Variants in SFMBT2 observed in about 807,000 individuals in gnomAD.
SFMBT2 encodes Scm like with four mbt domains 2.
In SFMBT2, 38 loss-of-function variants were observed where a neutral mutation model predicts 110.1. The observed-to-expected ratio is 0.35, with a 90% CI of 0.27 to 0.45. The LOEUF (loss-of-function observed/expected upper bound fraction) is 0.45. SFMBT2 is among the 20% of genes least tolerant of loss of function. The pLI is 1.00. For missense variants in SFMBT2, 1,011 were observed against 1,094.9 expected (o/e 0.92, Z 1.08); for synonymous variants, 425 against 425.4 (o/e 1.00, Z 0.01).
At chr10:7,407,196 A>T (rs1846241482) in intron 1 of SFMBT2, among the ~76,000 whole-genome samples, 1 of 152,092 alleles carries the variant, frequency 6.6e-6, no homozygotes, top group African/African-American at 2.4e-5. Context: ...CCTGCTGAGC[A>T]ACAACGCCTC....
chr10:7,383,799 T>C (rs553669227), intron 1 of SFMBT2, among the ~76,000 whole-genome samples: 8 of 152,312 alleles, frequency 5.3e-5, no homozygotes, highest in Non-Finnish European at 8.8e-5. Context: ...GTTTGAGGCG[T>C]AGAAGTCAAC....
rs1002746344 is a variant in SFMBT2 at position 7,160,291 on chromosome 10, G to A, written c.*3479C>T. On this transcript the variant is annotated 3_prime_UTR_variant, in exon 21 of 21. Transcript: ENST00000397167. ...TGTTTTTCTAGGTTGTTAGGCTTAT[G>A]TCTTTGTGGACAGGATATTTTTTCA... The A allele has an allele frequency of 5.3e-5, 8 of 152,214 alleles. No homozygotes were observed. Among genetic ancestry groups the A allele is most frequent in the Admixed American group, 2.6e-4 (4 of 15,278 alleles). 9.4% of individuals were successfully genotyped at this position (152,214 alleles called of 1,614,324 possible).
At chr10:7,376,727 CAAAAAA>C (rs35816107) in intron 2 of SFMBT2, among the ~76,000 whole-genome samples, 3 of 44,736 alleles carry the variant, frequency 6.7e-5, no homozygotes, top group African/African-American at 1.0e-4. Flanking sequence ...GGCCCTCCCA[CAAAAAA>C]AAAAAAAAAA....
intron 4 of SFMBT2, among the ~76,000 whole-genome samples, chr10:7,348,626 C>G (rs114274199): frequency 1.1e-3 from 164 of 152,304 alleles, no homozygotes; most frequent in African/African-American, 3.7e-3. Flanking sequence ...TGCTGCATAA[C>G]CTAAGAACAT....
intron 3 of SFMBT2, among the ~76,000 whole-genome samples, chr10:7,369,916 G>A (rs564240484): frequency 6.6e-6 from 1 of 152,242 alleles, no homozygotes; most frequent in East Asian, 1.9e-4. Context: ...CTGGGGTGCA[G>A]TGGCGCAATC....
At chr10:7,358,618 GGCACGGCTCTAGAACATCA>G (rs1844604966) in intron 4 of SFMBT2, among the ~76,000 whole-genome samples, 1 of 151,414 alleles carries the variant, frequency 6.6e-6, no homozygotes, top group Non-Finnish European at 1.5e-5. Context: ...CTGGAATGGA[GGCACGGCTCTAGAACATCA>G]GCATGGCCCT....
At chr10:7,206,340 G>A in intron 11 of SFMBT2, 1 of 985,360 alleles carries the variant, frequency 1.0e-6, no homozygotes, top group Non-Finnish European at 1.2e-6. Flanking sequence ...GGGACCTCAG[G>A]GCCCACATCT....
intron 4 of SFMBT2, among the ~76,000 whole-genome samples, chr10:7,363,903 C>T (rs1338025753): frequency 2.0e-5 from 3 of 152,110 alleles, no homozygotes; most frequent in Non-Finnish European, 4.4e-5. Context: ...ACAGAAACAT[C>T]ATACACCCTG....
intron 4 of SFMBT2, among the ~76,000 whole-genome samples, chr10:7,309,361 A>G (rs115917829): frequency 2.2e-3 from 342 of 152,340 alleles, no homozygotes; most frequent in African/African-American, 7.6e-3. Context: ...AGCCAGGTAC[A>G]CATTGTCCAG....
At chr10:7,398,684 A>C (rs1845989991) in intron 1 of SFMBT2, among the ~76,000 whole-genome samples, 1 of 152,180 alleles carries the variant, frequency 6.6e-6, no homozygotes, top group Non-Finnish European at 1.5e-5. Flanking sequence ...CTGGGTTCAA[A>C]CCTATTGGAC....
chr10:7,303,186 A>G (rs887638215), intron 4 of SFMBT2, among the ~76,000 whole-genome samples: 2 of 152,196 alleles, frequency 1.3e-5, no homozygotes, highest in African/African-American at 2.4e-5. Flanking sequence ...TTCTTCTATC[A>G]ATTACCTGAG....
chr10:7,253,068 C>T (rs1840864968), intron 7 of SFMBT2, among the ~76,000 whole-genome samples: 2 of 152,150 alleles, frequency 1.3e-5, no homozygotes, highest in African/African-American at 4.8e-5. Flanking sequence ...TGGGGTTTTT[C>T]AAGTTGATGA....
rs531539532 is a variant in SFMBT2 at position 7,203,115 on chromosome 10, T to C, written c.1445-593A>G. On this transcript the variant is annotated intron_variant, in intron 12 of 20. Coordinates refer to ENST00000397167, the MANE Select transcript of SFMBT2 (RefSeq NM_001387889.1). ...CTTAACAAAAATAGACCAAAGCTTTTGGCATCTACTAACTTTGGCTCAGAT... is the reference window on the plus strand; with the variant it reads ...CTTAACAAAAATAGACCAAAGCTTTCGGCATCTACTAACTTTGGCTCAGAT... 21 of 984,232 alleles carry C rather than the reference T, an allele frequency of 2.1e-5. No homozygotes were observed. In the South Asian group the frequency reaches 8.0e-4, roughly 37 times the overall value. 61.0% of individuals were successfully genotyped at this position (984,232 alleles called of 1,614,324 possible).
rs972742829 is a variant in SFMBT2, at chr10:7,215,587, A to G, written c.1330+4824T>C. 5.1e-6 allele frequency: 5 copies of G among 985,270 alleles called. No individual in the cohort carries two copies. The African/African-American group carries it at 5.2e-5, about 10-fold the overall frequency. The allele number at this position is 985,270 out of a possible 1,614,324, so 61.0% of individuals were successfully genotyped here. A position where few individuals can be genotyped will look rare whatever the true frequency, so the allele number is the denominator to read the frequency against. ...CAACCAAGCACTGGAATCCCTCCCT[A>G]GGCAATCAGAACCTGGGTTCACCTG... On this transcript the variant is annotated intron_variant, in intron 11 of 20. Transcript: ENST00000397167.
intron 7 of SFMBT2, among the ~76,000 whole-genome samples, chr10:7,266,499 C>G (rs116703934): frequency 0.011 from 1,726 of 152,234 alleles, 30 homozygotes; most frequent in African/African-American, 0.039. Context: ...AGGCCTTAGG[C>G]AGGAGTAAGC....
intron 1 of SFMBT2, among the ~76,000 whole-genome samples, chr10:7,386,896 G>T (rs1274999831): frequency 1.3e-5 from 2 of 152,132 alleles, no homozygotes; most frequent in Admixed American, 6.5e-5. Context: ...CAACCTAAGG[G>T]ATGAAGTCAC....
chr10:7,341,140 G>C (rs1843888960), intron 4 of SFMBT2, among the ~76,000 whole-genome samples: 1 of 152,150 alleles, frequency 6.6e-6, no homozygotes, highest in Admixed American at 6.6e-5. Context: ...TATTAGCATG[G>C]AATCAATTCA....
At chr10:7,385,184 G>A (rs972672323) in intron 1 of SFMBT2, among the ~76,000 whole-genome samples, 1 of 152,146 alleles carries the variant, frequency 6.6e-6, no homozygotes, top group Non-Finnish European at 1.5e-5. Context: ...TGTTCAGAGG[G>A]TACCTGGAAT....
At chr10:7,351,223 T>G (rs558055239) in intron 4 of SFMBT2, among the ~76,000 whole-genome samples, 1 of 152,366 alleles carries the variant, frequency 6.6e-6, no homozygotes, top group Non-Finnish European at 1.5e-5. Flanking sequence ...ATTAGTTTTG[T>G]GTGTTGTTGT....
Sources: gnomAD v4.1 joint callset for allele counts (sites outside exome capture counted in the v4.1 genomes callset) on GRCh38, gnomAD v4.1.1 for gene constraint, MANE v1.5 for transcripts, NCBI Gene and HGNC (gene_info 2026-07-23, HGNC 2026-07-21) for gene names.